Variants in LRFN5 observed in about 807,000 individuals in gnomAD.
The protein encoded by LRFN5 is leucine-rich repeat and fibronectin type-III domain-containing protein 5.
A neutral mutation model predicts 45.6 loss-of-function variants in LRFN5; 24 were observed. That is an observed-to-expected ratio of 0.53 (90% CI 0.38 to 0.74). The LOEUF is 0.74. Ranked by LOEUF, LRFN5 falls within the 30% of genes least tolerant of loss-of-function variation. LRFN5 has a pLI of 0.00. For missense variants in LRFN5, 776 were observed against 861.5 expected (o/e 0.90, Z 1.24); for synonymous variants, 340 against 313.8 (o/e 1.08, Z -0.88).
At chr14:41,635,854 A>G (rs1427585596) in intron 1 of LRFN5, among the ~76,000 whole-genome samples, 6 of 152,132 alleles carry the variant, frequency 3.9e-5, no homozygotes, top group Non-Finnish European at 7.4e-5. Flanking sequence ...TGTTATTATT[A>G]GATCCAGAAT....
intron 1 of LRFN5, among the ~76,000 whole-genome samples, chr14:41,676,537 A>G (rs955586265): frequency 1.8e-4 from 28 of 152,168 alleles, no homozygotes; most frequent in African/African-American, 6.8e-4. Flanking sequence ...AAAAAATTCA[A>G]TGGTGGTGAG....
intron 1 of LRFN5, among the ~76,000 whole-genome samples, chr14:41,671,041 A>T (rs1881184247): frequency 6.6e-6 from 1 of 151,860 alleles, no homozygotes; most frequent in African/African-American, 2.4e-5. Flanking sequence ...AATATTTAGA[A>T]TATAAAATTA....
chr14:41,886,333 A>T (rs969868011), intron 2 of LRFN5, among the ~76,000 whole-genome samples: 2 of 152,156 alleles, frequency 1.3e-5, no homozygotes, highest in Admixed American at 6.5e-5. Context: ...GGACATACTT[A>T]AAAAATGGCG....
intron 1 of LRFN5, among the ~76,000 whole-genome samples, chr14:41,669,961 G>GA (rs141299812): frequency 7.0e-6 from 1 of 142,936 alleles, no homozygotes; most frequent in Non-Finnish European, 1.5e-5. Context: ...CTATATTAAA[G>GA]AAAAAAATAG....
At chr14:41,680,039 G>A (rs935991481) in intron 1 of LRFN5, among the ~76,000 whole-genome samples, 8 of 152,162 alleles carry the variant, frequency 5.3e-5, no homozygotes, top group Admixed American at 3.9e-4. Context: ...TGTGGACAGG[G>A]GAGGGAAGAG....
intron 2 of LRFN5, among the ~76,000 whole-genome samples, chr14:41,865,612 C>T (rs1889813721): frequency 6.6e-6 from 1 of 152,086 alleles, no homozygotes; most frequent in South Asian, 2.1e-4. Flanking sequence ...CATATGGTAA[C>T]CATATATTTA....
At chr14:41,734,071 G>T (rs1884300647) in intron 1 of LRFN5, among the ~76,000 whole-genome samples, 1 of 139,106 alleles carries the variant, frequency 7.2e-6, no homozygotes, top group Non-Finnish European at 1.5e-5. Context: ...TATTGCCCAG[G>T]CTGGGGTGCA....
chr14:41,882,262 AC>A, intron 2 of LRFN5, among the ~76,000 whole-genome samples: 1 of 151,948 alleles, frequency 6.6e-6, no homozygotes, highest in East Asian at 1.9e-4. Context: ...CACCTACCCC[AC>A]AGTCTACGAA....
chr14:41,634,968 C>T (rs1190572806), intron 1 of LRFN5, among the ~76,000 whole-genome samples: 1 of 151,782 alleles, frequency 6.6e-6, no homozygotes, highest in African/African-American at 2.4e-5. Flanking sequence ...TACATTTAAA[C>T]AGTTTTATTT....
intron 2 of LRFN5, among the ~76,000 whole-genome samples, chr14:41,864,199 G>A (rs1431363377): frequency 6.6e-6 from 1 of 152,104 alleles, no homozygotes; most frequent in Non-Finnish European, 1.5e-5. Flanking sequence ...TAATGGAATT[G>A]CTGGGTCACA....
At chr14:41,739,658 A>AAG (rs1156283589) in intron 1 of LRFN5, among the ~76,000 whole-genome samples, 4 of 142,772 alleles carry the variant, frequency 2.8e-5, no homozygotes, top group Admixed American at 7.1e-5. Context: ...TAGCAACTAG[A>AAG]AAAAAAAAAA....
chr14:41,675,133 A>G (rs1163424588), intron 1 of LRFN5, among the ~76,000 whole-genome samples: 1 of 149,554 alleles, frequency 6.7e-6, no homozygotes, highest in Admixed American at 6.6e-5. Flanking sequence ...GCAGCCAGGC[A>G]GAGGGGCTCC....
At chr14:41,832,586 T>C (rs1167645019) in intron 2 of LRFN5, among the ~76,000 whole-genome samples, 2 of 152,156 alleles carry the variant, frequency 1.3e-5, no homozygotes, top group African/African-American at 4.8e-5. Context: ...TGAGAGGAGC[T>C]GTTCACCTTT....
chr14:41,607,522 T>G lies in LRFN5; in HGVS notation c.-1237T>G, dbSNP rs1887539337. 1 of 151,870 alleles carries G rather than the reference T, an allele frequency of 6.6e-6. No homozygotes were observed. The highest frequency in any genetic ancestry group is 1.5e-5 in the Non-Finnish European group (1 of 68,020). 9.4% of individuals were successfully genotyped at this position (151,870 alleles called of 1,614,324 possible). A position where few individuals can be genotyped will look rare whatever the true frequency, so the allele number is the denominator to read the frequency against. ...TTTTGTAAGCCGCTTTCCAGCTAGCTGCGTGTGTGTGTGCGCGCGCGTGTG... is the reference window on the plus strand; with the variant it reads ...TTTTGTAAGCCGCTTTCCAGCTAGCGGCGTGTGTGTGTGCGCGCGCGTGTG... On this transcript the variant is annotated 5_prime_UTR_variant, in exon 1 of 6. Transcript: ENST00000298119.
intron 1 of LRFN5, among the ~76,000 whole-genome samples, chr14:41,610,913 A>G (rs1887735307): frequency 6.6e-6 from 1 of 152,080 alleles, no homozygotes; most frequent in Non-Finnish European, 1.5e-5. Flanking sequence ...TACTATTACA[A>G]CAGTATTGAT....
chr14:41,735,428 C>A lies in LRFN5; in HGVS notation c.-196-31426C>A, dbSNP rs78901500. ...GACCACAGGTGTGCACAACCATACC[C>A]CGCTAATCTTTACTTTTACTTTTAG... On this transcript the variant is annotated intron_variant, in intron 1 of 5. Transcript: ENST00000298119. Among the ~76,000 whole-genome samples, 1,137 of 151,806 alleles carry A rather than the reference C, an allele frequency of 7.5e-3. 16 individuals are homozygous for A. The highest frequency in any genetic ancestry group is 0.038 in the South Asian group (182 of 4,812).
chr14:41,648,994 C>A (rs1044455863), intron 1 of LRFN5, among the ~76,000 whole-genome samples: 7 of 152,040 alleles, frequency 4.6e-5, no homozygotes, highest in Admixed American at 4.6e-4. Context: ...CCAGGCTGGG[C>A]GCGCTGGCTT....
intron 2 of LRFN5, among the ~76,000 whole-genome samples, chr14:41,786,543 GTTT>G (rs71105403): frequency 2.1e-4 from 30 of 142,440 alleles, no homozygotes; most frequent in African/African-American, 5.9e-4. Context: ...CTCTTTATGA[GTTT>G]TTTTTTTTTT....
intron 1 of LRFN5, among the ~76,000 whole-genome samples, chr14:41,667,728 T>C (rs1880970792): frequency 6.6e-6 from 1 of 152,168 alleles, no homozygotes; most frequent in Non-Finnish European, 1.5e-5. Flanking sequence ...AATGGGCCTG[T>C]AGCTTTGGAA....
Sources: allele counts gnomAD v4.1 joint callset (sites outside exome capture counted in the v4.1 genomes callset), GRCh38; gene constraint gnomAD v4.1.1; transcripts MANE v1.5; gene names NCBI Gene and HGNC (gene_info 2026-07-23, HGNC 2026-07-21).